Variants in HID1 observed in about 807,000 individuals in gnomAD.
HID1 encodes the protein HID1 domain containing.
HID1 carries 42 observed loss-of-function variants against 89.7 expected under a neutral mutation model. The observed-to-expected ratio is 0.47, with a 90% CI of 0.37 to 0.61. The LOEUF (loss-of-function observed/expected upper bound fraction) is 0.61, where lower values mean the gene tolerates loss of function less well. HID1 is among the 20% of genes least tolerant of loss of function. The probability of loss-of-function intolerance (pLI) is 0.00; values close to 1 mark genes in which losing one functional copy is unlikely to be tolerated. For missense variants in HID1, 854 were observed against 1,039.3 expected (o/e 0.82, Z 2.45); for synonymous variants, 442 against 433.8 (o/e 1.02, Z -0.24).
At position 74,953,058 on chromosome 17, in the gene HID1, C is replaced by CGCT. The variant is rs1319182085; in HGVS notation, c.1997_1999dup (p.Gln666dup). ...ACTGGCTGATGAGGTGGACGGTCGC[C>CGCT]GCTGCTCCCTCCATGCCTGGCTGGG... On this transcript the variant is annotated inframe_insertion, in exon 16 of 19. Transcript: ENST00000425042. 2 of 1,608,486 alleles carry CGCT rather than the reference C, an allele frequency of 1.2e-6. No individual in the cohort carries two copies. The highest frequency in any genetic ancestry group is 3.4e-5 in the Admixed American group (2 of 59,558).
rs1433968606 is a variant in HID1 at position 74,972,599 on chromosome 17, T to A, written c.58A>T (p.Lys20Ter). 1 of 1,547,910 alleles carries A rather than the reference T, an allele frequency of 6.5e-7. No homozygotes were observed. The highest frequency in any genetic ancestry group is 2.5e-5 in the East Asian group (1 of 40,652). The change falls in exon 1 of 19, where the codon AAG (lysine) becomes TAG (stop). Residue 20 changes from lysine to a stop codon, truncating the protein, a stop_gained. Transcript: ENST00000425042. LOFTEE classifies it high-confidence loss of function. This position sits in a 1 kb window ranked among gnomAD's most constrained non-coding sequence, Gnocchi z 6.4. ...FRKAVIQLTT[K>*]TQPVEATDDA... ...GGGCCCCCGTGGCGCACCTGCGTCTTGGTGGTGAGCTGGATCACCGCCTTC... is the reference window on the plus strand; with the variant it reads ...GGGCCCCCGTGGCGCACCTGCGTCTAGGTGGTGAGCTGGATCACCGCCTTC...
chr17:74,967,343 A>G (rs2039577953), intron 1 of HID1, among the ~76,000 whole-genome samples: 1 of 151,668 alleles, frequency 6.6e-6, no homozygotes, highest in South Asian at 2.1e-4. Context: ...GTTTGAGACC[A>G]GCCTGGCCAA....
intron 1 of HID1, among the ~76,000 whole-genome samples, chr17:74,967,602 C>T (rs914434189): frequency 2.0e-5 from 3 of 151,950 alleles, no homozygotes; most frequent in Non-Finnish European, 4.4e-5. Flanking sequence ...GTGATCCCAA[C>T]ACTTTGGGAG....
rs1381705344 is a variant in HID1 at position 74,958,503 on chromosome 17, T to C, written c.1241-25A>G. The C allele has an allele frequency of 6.3e-7, 1 of 1,576,172 alleles. No individual in the cohort carries two copies. Among genetic ancestry groups the C allele is most frequent in the Non-Finnish European group, 8.6e-7 (1 of 1,161,488 alleles). On this transcript the variant is annotated intron_variant, in intron 10 of 18. Transcript: ENST00000425042. This position sits in a 1 kb window ranked among gnomAD's most constrained non-coding sequence, Gnocchi z 5.2. Reference sequence around the variant, plus strand: ...GCTGCGGCAGGTGGCGTGGGAGGGGTCACTCGGGTGGGAGGGGGAAGGAGG... The same window carrying C: ...GCTGCGGCAGGTGGCGTGGGAGGGGCCACTCGGGTGGGAGGGGGAAGGAGG...
At chr17:74,955,408 G>A (rs930153162) in intron 13 of HID1, among the ~76,000 whole-genome samples, 1 of 152,166 alleles carries the variant, frequency 6.6e-6, no homozygotes, top group East Asian at 1.9e-4. Context: ...GGCCGAGGCA[G>A]TAGAATTGCA....
At position 74,958,438 on chromosome 17, in the gene HID1, C is replaced by T. The variant is rs764583728; in HGVS notation, c.1281G>A (p.Leu427=). Residue 427 remains leucine (L), a synonymous_variant, in exon 11 of 19, where the codon CTG becomes CTA. Transcript: ENST00000425042. The surrounding 1 kb of genome is among the most constrained non-coding windows in gnomAD (Gnocchi z 5.2). ...GLMHIGVFIL[L]LLSGERNFGV... ...CGAAGTTCCGCTCCCCGCTCAGAAG[C>T]AGCAAGATGAAGACACCAATGTGCA... The T allele has an allele frequency of 6.2e-7, 1 of 1,601,866 alleles. No individual in the cohort carries two copies. The highest frequency in any genetic ancestry group is 8.5e-7 in the Non-Finnish European group (1 of 1,174,374).
In HID1 at chr17:74,953,534, C is replaced by T; in HGVS notation, c.1971+11G>A. Reference sequence around the variant, plus strand: ...CAGCCACGCCCGGCTCCAGGAGTCCCCGTCACCCACCCCCTTAGCCGGGCT... The same window carrying T: ...CAGCCACGCCCGGCTCCAGGAGTCCTCGTCACCCACCCCCTTAGCCGGGCT... On this transcript the variant is annotated intron_variant, in intron 15 of 18. Coordinates refer to ENST00000425042, the MANE Select transcript of HID1 (RefSeq NM_030630.3). The T allele has an allele frequency of 6.2e-7, 1 of 1,611,876 alleles. No homozygotes were observed. Among genetic ancestry groups the T allele is most frequent in the South Asian group, 1.1e-5 (1 of 91,034 alleles).
At chr17:74,961,144 T>C (rs1174434255) in intron 6 of HID1, among the ~76,000 whole-genome samples, 1 of 152,232 alleles carries the variant, frequency 6.6e-6, no homozygotes, top group African/African-American at 2.4e-5. Context: ...ACACTGGATT[T>C]TGAAAACTTA....
chr17:74,964,564 A>G lies in HID1; in HGVS notation c.135T>C (p.Asp45=), dbSNP rs766204339. Residue 45 remains aspartate (D), a synonymous_variant, in exon 2 of 19, where the codon GAT becomes GAC. Transcript: ENST00000425042. The stretch of plus-strand genomic sequence containing the variant: ...CTGCTGCCGGCACCAGTGCAAACAC[A>G]TCCTGCACCGAGGTGGCTGTGTCTG... ...FWADTATSVQ[D]VFALVPAAEI... The G allele has an allele frequency of 1.2e-6, 2 of 1,611,864 alleles. No homozygotes were observed. The highest frequency in any genetic ancestry group is 2.2e-5 in the South Asian group (2 of 90,284).
chr17:74,967,574 G>A (rs530207127), intron 1 of HID1, among the ~76,000 whole-genome samples: 5 of 151,948 alleles, frequency 3.3e-5, no homozygotes, highest in Admixed American at 6.6e-5. Context: ...TAATGGCTGG[G>A]CACAGTGGCT....
In HID1 at chr17:74,964,673, C is replaced by T. The variant is rs533087063; in HGVS notation, c.67-41G>A. The stretch of plus-strand genomic sequence containing the variant: ...GGGTCCAGAGTTACACAACTCCTGG[C>T]CAGAGGGCCTACACTTTGCCCAACT... On this transcript the variant is annotated intron_variant, in intron 1 of 18. Coordinates refer to ENST00000425042, the MANE Select transcript of HID1 (RefSeq NM_030630.3). 4 of 1,588,120 alleles carry T rather than the reference C, an allele frequency of 2.5e-6. No individual in the cohort carries two copies. In the South Asian group the frequency reaches 4.6e-5, roughly 18 times the overall value.
chr17:74,970,073 C>A (rs1052073143), intron 1 of HID1, among the ~76,000 whole-genome samples: 4 of 151,924 alleles, frequency 2.6e-5, no homozygotes, highest in African/African-American at 4.8e-5. Context: ...TGTTCCACCA[C>A]GCCTGGCTAA....
Position 74,959,080 on chromosome 17 carries a change from G to A in HID1, c.1009-29C>T. 3 of 1,517,358 alleles carry A rather than the reference G, an allele frequency of 2.0e-6. No homozygotes were observed. Among genetic ancestry groups the A allele is most frequent in the Non-Finnish European group, 2.6e-6 (3 of 1,138,268 alleles). 94.0% of individuals were successfully genotyped at this position (1,517,358 alleles called of 1,614,324 possible). ...GGGGCGAGGGCAGAGCAGGGGGCCTGTCCAGCCCAATCCCTGCAGCTCCAG... is the reference window on the plus strand; with the variant it reads ...GGGGCGAGGGCAGAGCAGGGGGCCTATCCAGCCCAATCCCTGCAGCTCCAG... On this transcript the variant is annotated intron_variant, in intron 8 of 18. Coordinates refer to ENST00000425042, the MANE Select transcript of HID1 (RefSeq NM_030630.3). The surrounding 1 kb of genome is among the most constrained non-coding windows in gnomAD (Gnocchi z 4.6).
At position 74,953,529 on chromosome 17, in the gene HID1, A is replaced by G. The variant is rs1353987277; in HGVS notation, c.1971+16T>C. On this transcript the variant is annotated intron_variant, in intron 15 of 18. Coordinates refer to ENST00000425042, the MANE Select transcript of HID1 (RefSeq NM_030630.3). ...AGGGCCAGCCACGCCCGGCTCCAGG[A>G]GTCCCCGTCACCCACCCCCTTAGCC... 4 of 1,606,986 alleles carry G rather than the reference A, an allele frequency of 2.5e-6. No homozygotes were observed. In the African/African-American group the frequency reaches 5.4e-5, roughly 21 times the overall value.
At chr17:74,969,095 G>A (rs1426014670) in intron 1 of HID1, among the ~76,000 whole-genome samples, 1 of 152,166 alleles carries the variant, frequency 6.6e-6, no homozygotes, top group Non-Finnish European at 1.5e-5. Context: ...GGTCACTGAG[G>A]CCCCTTAGGC....
chr17:74,954,058 TG>T, intron 14 of HID1, 79 bp downstream of exon 14: 4 of 1,321,512 alleles, frequency 3.0e-6, no homozygotes, highest in South Asian at 1.3e-5. Flanking sequence ...TTGCCAGAGA[TG>T]GGGGTGACAC....
chr17:74,972,506 C>A lies in HID1; in HGVS notation c.66+85G>T. 1 of 1,292,450 alleles carries A rather than the reference C, an allele frequency of 7.7e-7. No individual in the cohort carries two copies. Among genetic ancestry groups the A allele is most frequent in the South Asian group, 1.4e-5 (1 of 73,206 alleles). The allele number at this position is 1,292,450 out of a possible 1,614,324, so 80.1% of individuals were successfully genotyped here. A position where few individuals can be genotyped will look rare whatever the true frequency, so the allele number is the denominator to read the frequency against. ...GGGGCCCGCCCGTCCCCCCATCTCC[C>A]GACGAGCCAAGTTCGCGTACCCCCG... is the stretch of plus-strand genomic sequence containing the variant. On this transcript the variant is annotated intron_variant, in intron 1 of 18. Transcript: ENST00000425042. The surrounding 1 kb of genome is among the most constrained non-coding windows in gnomAD (Gnocchi z 6.4).
chr17:74,972,708 C>G lies in HID1; in HGVS notation c.-52G>C. ...CCCCGCCCAGACTCCAACCCGGCTC[C>G]GGCTTCAGCTCCGGCTCCAGCTCCG... On this transcript the variant is annotated 5_prime_UTR_variant, in exon 1 of 19. Coordinates refer to ENST00000425042, the MANE Select transcript of HID1 (RefSeq NM_030630.3). The surrounding 1 kb of genome is among the most constrained non-coding windows in gnomAD (Gnocchi z 6.4). The G allele has an allele frequency of 6.8e-7, 1 of 1,471,984 alleles. No homozygotes were observed. Among genetic ancestry groups the G allele is most frequent in the Non-Finnish European group, 9.1e-7 (1 of 1,098,814 alleles). 91.2% of individuals were successfully genotyped at this position (1,471,984 alleles called of 1,614,324 possible).
intron 16 of HID1, among the ~76,000 whole-genome samples, chr17:74,952,617 A>G (rs1028071733): frequency 6.6e-6 from 1 of 152,222 alleles, no homozygotes; most frequent in Non-Finnish European, 1.5e-5. Context: ...CAGCGTGGTC[A>G]GGCAGGGACG....
Sources: gnomAD v4.1 joint callset for allele counts (sites outside exome capture counted in the v4.1 genomes callset) on GRCh38, gnomAD v4.1.1 for gene constraint, Gnocchi (gnomAD v3.1) non-coding constraint, MANE v1.5 for transcripts, NCBI Gene and HGNC (gene_info 2026-07-23, HGNC 2026-07-21) for gene names.